Variants in SRI observed in about 807,000 individuals in gnomAD.
The protein encoded by SRI is 22 kDa protein.
A neutral mutation model predicts 33.3 loss-of-function variants in SRI; 30 were observed. The observed-to-expected ratio is 0.90, with a 90% CI of 0.67 to 1.22. The LOEUF is 1.22. Among genes scored for constraint, SRI ranks in the 50% most tolerant of loss-of-function variants. The pLI is 0.00. For synonymous variants in SRI, 75 were observed against 89.9 expected (o/e 0.83, Z 0.94); for missense variants, 243 against 250.8 (o/e 0.97, Z 0.21).
chr7:88,220,036 T>A lies in SRI; in HGVS notation c.-10A>T, dbSNP rs1284998463. On this transcript the variant is annotated 5_prime_UTR_variant, in exon 1 of 8. Coordinates refer to ENST00000265729, the MANE Select transcript of SRI (RefSeq NM_003130.4). Reference sequence around the variant, plus strand: ...GCCCCGGGTACGCCATGCTGCAGACTGCGCCGCAGCCGCCCTCGCCCTGTG... The same window carrying A: ...GCCCCGGGTACGCCATGCTGCAGACAGCGCCGCAGCCGCCCTCGCCCTGTG... 2 of 1,525,452 alleles carry A rather than the reference T, an allele frequency of 1.3e-6. No individual in the cohort carries two copies. The highest frequency in any genetic ancestry group is 1.8e-6 in the Non-Finnish European group (2 of 1,142,694). 94.5% of individuals were successfully genotyped at this position (1,525,452 alleles called of 1,614,324 possible). A position where few individuals can be genotyped will look rare whatever the true frequency, so the allele number is the denominator to read the frequency against.
intron 1 of SRI, among the ~76,000 whole-genome samples, chr7:88,225,669 C>T (rs1334297220): frequency 6.6e-6 from 1 of 152,186 alleles, no homozygotes; most frequent in Non-Finnish European, 1.5e-5. Context: ...CAGATCTTTT[C>T]TCAACCTCAC....
chr7:88,218,339 G>A (rs1851784147), intron 2 of SRI, among the ~76,000 whole-genome samples: 1 of 152,196 alleles, frequency 6.6e-6, no homozygotes, highest in Non-Finnish European at 1.5e-5. Context: ...AGGACATGGA[G>A]GGGCTGACCT....
At chr7:88,220,571 C>G (rs1851867941), upstream of SRI, among the ~76,000 whole-genome samples, 1 of 152,142 alleles carries the variant, frequency 6.6e-6, no homozygotes, top group South Asian at 2.1e-4. Context: ...ATTAACTTGA[C>G]GAACTGTGTG....
At chr7:88,206,635 A>G in intron 7 of SRI, 131 bp from the exon 8 acceptor site, 2 of 917,288 alleles carry the variant, frequency 2.2e-6, no homozygotes, top group Non-Finnish European at 1.7e-6. Context: ...CTAAGATATG[A>G]GTAAATGATA....
upstream of SRI, among the ~76,000 whole-genome samples, chr7:88,224,510 C>T (rs941289579): frequency 6.6e-6 from 1 of 152,194 alleles, no homozygotes; most frequent in African/African-American, 2.4e-5. Context: ...TTAAAGACCT[C>T]TGCCTTAGAG....
chr7:88,225,633 A>G (rs1328390071), intron 1 of SRI, among the ~76,000 whole-genome samples: 1 of 152,240 alleles, frequency 6.6e-6, no homozygotes, highest in East Asian at 1.9e-4. Context: ...TAGCAATTCC[A>G]GTATTAATTG....
At chr7:88,211,980 A>G (rs1851588932) in intron 3 of SRI, among the ~76,000 whole-genome samples, 1 of 152,250 alleles carries the variant, frequency 6.6e-6, no homozygotes, top group Non-Finnish European at 1.5e-5. Context: ...ATGGGAATCA[A>G]TGACTGAAGA....
At chr7:88,218,779 C>T in intron 2 of SRI, 80 bp downstream of exon 2, 1 of 1,385,526 alleles carries the variant, frequency 7.2e-7, no homozygotes, top group East Asian at 2.3e-5. Context: ...ACAGGAAGTT[C>T]GCTTTTCTGT....
At chr7:88,208,460 G>A (rs2050043002) in intron 7 of SRI, 47 bp downstream of exon 7, 1 of 1,609,774 alleles carries the variant, frequency 6.2e-7, no homozygotes, top group Non-Finnish European at 8.5e-7. Flanking sequence ...TACCCATCTG[G>A]TGTACATCCT....
rs1473680493 is a variant in SRI at position 88,206,569 on chromosome 7, G to T, written c.571-65C>A. On this transcript the variant is annotated intron_variant, in intron 7 of 7. Coordinates refer to ENST00000265729, the MANE Select transcript of SRI (RefSeq NM_003130.4). ...ACTTATACGGCACAGCCTATTTCTG[G>T]CAGCTTACATTTGGTTTTCTAATTT... The T allele has an allele frequency of 1.9e-6, 3 of 1,591,414 alleles. No homozygotes were observed. In the East Asian group the frequency reaches 6.7e-5, roughly 36 times the overall value.
chr7:88,219,527 C>A, intron 1 of SRI: 1 of 195,592 alleles, frequency 5.1e-6, no homozygotes, highest in Non-Finnish European at 1.0e-5. Flanking sequence ...TTCCGTCCCC[C>A]TTCTCACTCG....
intron 3 of SRI, among the ~76,000 whole-genome samples, chr7:88,215,529 A>T (rs1851685959): frequency 6.6e-6 from 1 of 152,248 alleles, no homozygotes; most frequent in Admixed American, 6.5e-5. Flanking sequence ...CTGCCTACAC[A>T]GTAAAGAATA....
chr7:88,217,066 G>T, intron 3 of SRI, 56 bp downstream of exon 3: 1 of 1,500,828 alleles, frequency 6.7e-7, no homozygotes, highest in African/African-American at 1.4e-5. Context: ...ACAAGTAACA[G>T]CTAAGATAGG....
At chr7:88,216,585 A>C (rs976384071) in intron 3 of SRI, 1 of 156,180 alleles carries the variant, frequency 6.4e-6, no homozygotes, top group Non-Finnish European at 1.4e-5. Context: ...AGGGCAGAGT[A>C]GGCTCTTGGC....
chr7:88,217,729 G>A (rs1851768111), intron 2 of SRI, among the ~76,000 whole-genome samples: 1 of 152,144 alleles, frequency 6.6e-6, no homozygotes, highest in South Asian at 2.1e-4. Flanking sequence ...AAGTCACTGG[G>A]TATTATAAGT....
At chr7:88,215,993 T>G (rs1851701532) in intron 3 of SRI, among the ~76,000 whole-genome samples, 1 of 152,194 alleles carries the variant, frequency 6.6e-6, no homozygotes, top group Non-Finnish European at 1.5e-5. Context: ...CAGCAATTTT[T>G]TGGATTTTCT....
chr7:88,210,263 A>G, intron 4 of SRI, 133 bp from the exon 5 acceptor site: 1 of 1,105,764 alleles, frequency 9.0e-7, no homozygotes, highest in Non-Finnish European at 1.3e-6. Flanking sequence ...TATGATGTAA[A>G]ATTAATGATT....
chr7:88,219,012 T>C (rs996970991), intron 1 of SRI, 70 bp from the exon 2 acceptor site: 2 of 1,427,988 alleles, frequency 1.4e-6, no homozygotes, highest in African/African-American at 2.8e-5. Context: ...CTGAGGGCTT[T>C]TGTGCAAGGC....
chr7:88,210,617 A>T, intron 4 of SRI: 1 of 437,518 alleles, frequency 2.3e-6, no homozygotes, highest in Non-Finnish European at 4.2e-6. Flanking sequence ...ATGTTAAAGA[A>T]AAAAAGCTGT....
Sources: allele counts gnomAD v4.1 joint callset (sites outside exome capture counted in the v4.1 genomes callset), GRCh38; gene constraint gnomAD v4.1.1; transcripts MANE v1.5; gene names NCBI Gene and HGNC (gene_info 2026-07-23, HGNC 2026-07-21).